IGSF11: variants seen among roughly 807,000 people sequenced by gnomAD.
The protein encoded by IGSF11 is CXADR like 1.
A neutral mutation model predicts 41.0 loss-of-function variants in IGSF11; 22 were observed. The observed-to-expected ratio is 0.54, with a 90% CI of 0.38 to 0.77. The LOEUF (loss-of-function observed/expected upper bound fraction) is 0.77. Ranked by LOEUF, IGSF11 falls within the 30% of genes least tolerant of loss-of-function variation. IGSF11 has a pLI of 0.00. For synonymous variants in IGSF11, 219 were observed against 201.3 expected (o/e 1.09, Z -0.74); for missense variants, 444 against 530.8 (o/e 0.84, Z 1.61).
At chr3:118,916,758 G>A (rs536474944) in intron 4 of IGSF11, among the ~76,000 whole-genome samples, 5 of 151,836 alleles carry the variant, frequency 3.3e-5, no homozygotes, top group Admixed American at 1.3e-4. Context: ...CAAGTGGACC[G>A]AATAGACATC....
At chr3:119,014,585 T>C (rs1267740762) in intron 1 of IGSF11, among the ~76,000 whole-genome samples, 1 of 152,226 alleles carries the variant, frequency 6.6e-6, no homozygotes, top group Non-Finnish European at 1.5e-5. Flanking sequence ...AACTGAAATA[T>C]TGCTTAGTTT....
chr3:118,930,351 G>C, intron 1 of IGSF11, 76 bp from the exon 2 acceptor site: 1 of 1,395,758 alleles, frequency 7.2e-7, no homozygotes, highest in Non-Finnish European at 9.7e-7. Flanking sequence ...AGGTTTGCGT[G>C]TTTTATGTTA....
At chr3:119,105,277 A>C, upstream of IGSF11, 7 of 893,348 alleles carry the variant, frequency 7.8e-6, no homozygotes, top group South Asian at 1.0e-4. Context: ...ATTTTTTAAA[A>C]TTTTTAAATA....
intron 1 of IGSF11, among the ~76,000 whole-genome samples, chr3:118,985,777 C>T (rs561777729): frequency 6.6e-6 from 1 of 152,226 alleles, no homozygotes; most frequent in South Asian, 2.1e-4. Flanking sequence ...AGTTTAGCCC[C>T]TTATCATCTC....
At chr3:119,131,792 A>G (rs2077485904) in intron 1 of IGSF11, among the ~76,000 whole-genome samples, 1 of 152,248 alleles carries the variant, frequency 6.6e-6, no homozygotes, top group East Asian at 1.9e-4. Flanking sequence ...GGTTAAGGGC[A>G]GCCAGAGAGG....
chr3:119,058,044 T>C (rs1009028417), intron 1 of IGSF11, among the ~76,000 whole-genome samples: 4 of 152,104 alleles, frequency 2.6e-5, no homozygotes, highest in Non-Finnish European at 2.9e-5. Context: ...AGGCAATACC[T>C]TTCAGGACAT....
chr3:118,978,140 T>G (rs946634885), intron 1 of IGSF11, among the ~76,000 whole-genome samples: 1 of 152,164 alleles, frequency 6.6e-6, no homozygotes, highest in Non-Finnish European at 1.5e-5. Context: ...TGCTTCCACC[T>G]GAGCACACCA....
chr3:118,976,036 T>TA (rs1934057865), intron 1 of IGSF11, among the ~76,000 whole-genome samples: 1 of 151,958 alleles, frequency 6.6e-6, no homozygotes, highest in Non-Finnish European at 1.5e-5. Flanking sequence ...AATAAAAATT[T>TA]TAAAAAAAAC....
chr3:119,035,453 G>T (rs1426128033), upstream of IGSF11, among the ~76,000 whole-genome samples: 1 of 152,162 alleles, frequency 6.6e-6, no homozygotes, highest in East Asian at 1.9e-4. Context: ...ATTCCTATCA[G>T]AGAGACTGCC....
At chr3:118,964,963 T>C (rs1255112438) in intron 1 of IGSF11, among the ~76,000 whole-genome samples, 1 of 152,144 alleles carries the variant, frequency 6.6e-6, no homozygotes, top group Non-Finnish European at 1.5e-5. Flanking sequence ...AAATTTTGTA[T>C]AACTTCCACG....
chr3:118,996,597 T>TTTTTTG (rs369088270), intron 1 of IGSF11, among the ~76,000 whole-genome samples: 1 of 152,040 alleles, frequency 6.6e-6, no homozygotes, highest in African/African-American at 2.4e-5. Context: ...GTCTTGTTTT[T>TTTTTTG]TTTTTGTTTT....
At chr3:118,908,339 T>C (rs1939864583) in intron 4 of IGSF11, among the ~76,000 whole-genome samples, 2 of 152,170 alleles carry the variant, frequency 1.3e-5, no homozygotes, top group Admixed American at 6.5e-5. Context: ...TATACCATGG[T>C]AGATTTAACT....
intron 1 of IGSF11, among the ~76,000 whole-genome samples, chr3:119,142,911 C>A (rs772322495): frequency 2.0e-5 from 3 of 152,086 alleles, no homozygotes; most frequent in Non-Finnish European, 4.4e-5. Flanking sequence ...AATTTCTCAG[C>A]AGAATTCATG....
chr3:119,055,627 G>C (rs1336469658), intron 1 of IGSF11, among the ~76,000 whole-genome samples: 4 of 152,194 alleles, frequency 2.6e-5, no homozygotes, highest in African/African-American at 7.2e-5. Context: ...AGACCTAAGA[G>C]ACATCTACAG....
intron 4 of IGSF11, among the ~76,000 whole-genome samples, chr3:118,916,776 C>T (rs993965193): frequency 3.9e-5 from 6 of 151,908 alleles, no homozygotes; most frequent in African/African-American, 9.7e-5. Flanking sequence ...ATCTACAGAA[C>T]TCTCCACCCC....
At chr3:118,952,768 A>G (rs1337225906) in intron 1 of IGSF11, among the ~76,000 whole-genome samples, 1 of 152,210 alleles carries the variant, frequency 6.6e-6, no homozygotes, top group Non-Finnish European at 1.5e-5. Flanking sequence ...AATATGACCC[A>G]TAAGACACAA....
intron 1 of IGSF11, among the ~76,000 whole-genome samples, chr3:119,040,145 A>G (rs1941065746): frequency 6.6e-6 from 1 of 152,212 alleles, no homozygotes; most frequent in Non-Finnish European, 1.5e-5. Context: ...TCCTAAGATC[A>G]GTGCTTGAGA....
At chr3:119,035,197 A>AC (rs1399685001), upstream of IGSF11, among the ~76,000 whole-genome samples, 1 of 152,186 alleles carries the variant, frequency 6.6e-6, no homozygotes, top group Non-Finnish European at 1.5e-5. Flanking sequence ...TCTAGCAATG[A>AC]CTTTTCCACA....
chr3:119,115,291 T>C (rs1174643574), intron 1 of IGSF11, among the ~76,000 whole-genome samples: 1 of 152,200 alleles, frequency 6.6e-6, no homozygotes, highest in African/African-American at 2.4e-5. Context: ...GATCATAAGG[T>C]AGCGCTATTT....
Sources: gnomAD v4.1 joint callset for allele counts (sites outside exome capture counted in the v4.1 genomes callset) on GRCh38, gnomAD v4.1.1 for gene constraint, MANE v1.5 for transcripts, NCBI Gene and HGNC (gene_info 2026-07-23, HGNC 2026-07-21) for gene names.